PDXK: variants seen among roughly 807,000 people sequenced by gnomAD.
PDXK encodes the protein epididymis secretory sperm binding protein Li 1a.
In PDXK, 15 loss-of-function variants were observed where a neutral mutation model predicts 43.2. That is an observed-to-expected ratio of 0.35 (90% CI 0.23 to 0.53). The LOEUF is 0.53. Ranked by LOEUF, PDXK falls within the 20% of genes least tolerant of loss-of-function variation. The probability of loss-of-function intolerance (pLI) is 0.92; values close to 1 mark genes in which losing one functional copy is unlikely to be tolerated. For synonymous variants in PDXK, 172 were observed against 165.4 expected (o/e 1.04, Z -0.31); for missense variants, 343 against 417.0 (o/e 0.82, Z 1.54).
chr21:43,726,199 C>T (rs2083251150), intron 1 of PDXK, among the ~76,000 whole-genome samples: 1 of 151,202 alleles, frequency 6.6e-6, no homozygotes, highest in African/African-American at 2.4e-5. Context: ...ACTGAGGTTT[C>T]TGTTATTCTT....
chr21:43,730,383 C>T (rs1237022157), intron 1 of PDXK, among the ~76,000 whole-genome samples: 5 of 152,142 alleles, frequency 3.3e-5, no homozygotes, highest in Non-Finnish European at 7.4e-5. Flanking sequence ...ACCTCGGCCT[C>T]CCAAAGTGCT....
intron 7 of PDXK, among the ~76,000 whole-genome samples, chr21:43,752,123 GT>G (rs1475483032): frequency 1.3e-5 from 2 of 152,178 alleles, no homozygotes; most frequent in African/African-American, 2.4e-5. Flanking sequence ...GTGTGTGTGT[GT>G]GTGCGCGCGC....
At position 43,741,761 on chromosome 21, in the gene PDXK, C is replaced by G. The variant is rs377429587; in HGVS notation, c.237C>G (p.Tyr79Ter). 6.2e-7 allele frequency: 1 copy of G among 1,603,792 alleles called. No homozygotes were observed. Among genetic ancestry groups the G allele is most frequent in the South Asian group, 1.1e-5 (1 of 90,898 alleles). The change falls in exon 3 of 11, where the codon TAC becomes TAG. Residue 79 changes from tyrosine to a stop codon, truncating the protein, a stop_gained. Transcript: ENST00000291565. LOFTEE classifies it high-confidence loss of function. The stretch of plus-strand genomic sequence containing the variant: ...TGAACAACATGAATAAATATGACTA[C>G]GTGCTCACAGGTAGGTGCCGGAGCA... ...LRLNNMNKYD[Y>*]VLTGYTRDKS...
rs543669510 is a variant in PDXK, at chr21:43,755,098, A to C, written c.760-600A>C. Reference sequence around the variant, plus strand: ...GGAGGCCTCACTGCCAGGCCGCCCAAGGTCACATTCTGGGTTTGGCCAGCC... The same window carrying C: ...GGAGGCCTCACTGCCAGGCCGCCCACGGTCACATTCTGGGTTTGGCCAGCC... On this transcript the variant is annotated intron_variant, in intron 9 of 10. Transcript: ENST00000291565. 4.6e-5 allele frequency among the ~76,000 whole-genome samples: 7 copies of C among 152,320 alleles called. No individual in the cohort carries two copies. The South Asian group carries it at 1.4e-3, about 32-fold the overall frequency.
chr21:43,744,056 G>C (rs1006756804), intron 4 of PDXK, among the ~76,000 whole-genome samples: 5 of 152,248 alleles, frequency 3.3e-5, no homozygotes, highest in African/African-American at 1.2e-4. Context: ...AGGGGTGTCA[G>C]TGTGCTCGTA....
intron 2 of PDXK, among the ~76,000 whole-genome samples, chr21:43,740,850 G>A (rs1019648194): frequency 6.6e-6 from 1 of 151,370 alleles, no homozygotes; most frequent in African/African-American, 2.4e-5. Flanking sequence ...GGGAGGAGTT[G>A]GGGGTGGGGA....
At chr21:43,733,681 CCT>C in intron 1 of PDXK, 1 of 1,079,972 alleles carries the variant, frequency 9.3e-7, no homozygotes, top group South Asian at 2.7e-5. Context: ...AGCCTCCCAG[CCT>C]CTGTTCAGTG....
In PDXK at chr21:43,747,595, C is replaced by T. The variant is rs2083660630; in HGVS notation, c.379-1400C>T. ...TCTGGAAGGTTCCCTGTCCTGCGCC[C>T]AGCCTGCAGGACCCCAGCTTGCAGC... On this transcript the variant is annotated intron_variant, in intron 5 of 10. Transcript: ENST00000291565. 1.3e-5 allele frequency among the ~76,000 whole-genome samples: 2 copies of T among 152,240 alleles called. 1 individual carries two copies. Among genetic ancestry groups the T allele is most frequent in the South Asian group, 4.1e-4 (2 of 4,836 alleles).
intron 7 of PDXK, among the ~76,000 whole-genome samples, chr21:43,752,273 G>C (rs112877959): frequency 6.6e-6 from 1 of 152,232 alleles, no homozygotes; most frequent in African/African-American, 2.4e-5. Flanking sequence ...GGAGGCCCTC[G>C]CCAGTCACCT....
chr21:43,743,140 C>A (rs1469343743), intron 3 of PDXK, among the ~76,000 whole-genome samples: 2 of 125,714 alleles, frequency 1.6e-5, no homozygotes, highest in Non-Finnish European at 3.3e-5. Flanking sequence ...GGGGACACCT[C>A]GCCTGCACCC....
At position 43,734,023 on chromosome 21, in the gene PDXK, C is replaced by G. The variant is rs753761529; in HGVS notation, c.88-46C>G. On this transcript the variant is annotated intron_variant, in intron 1 of 10. Transcript: ENST00000291565. This position sits in a 1 kb window ranked among gnomAD's most constrained non-coding sequence, Gnocchi z 5.0. ...GCACCTGCTGGGGTTCGTGGGACCC[C>G]AGACCTGGCTCTCTTACGCCTACCT... 12 of 1,600,016 alleles carry G rather than the reference C, an allele frequency of 7.5e-6. No individual in the cohort carries two copies. Among genetic ancestry groups the G allele is most frequent in the Non-Finnish European group, 9.4e-6 (11 of 1,167,318 alleles).
In PDXK at chr21:43,734,152, A is replaced by G. The variant is rs1601795795; in HGVS notation, c.142+29A>G. On this transcript the variant is annotated intron_variant, in intron 2 of 10. Transcript: ENST00000291565. The surrounding 1 kb of genome is among the most constrained non-coding windows in gnomAD (Gnocchi z 5.0). Reference sequence around the variant, plus strand: ...AGGCGTTGGCTCCAGCAGCTGGCATAGAGCAGACTGTGGGTGTGAGGGACG... The same window carrying G: ...AGGCGTTGGCTCCAGCAGCTGGCATGGAGCAGACTGTGGGTGTGAGGGACG... The G allele has an allele frequency of 6.2e-7, 1 of 1,606,292 alleles. No homozygotes were observed. The highest frequency in any genetic ancestry group is 2.2e-5 in the East Asian group (1 of 44,832).
At position 43,733,028 on chromosome 21, in the gene PDXK, A is replaced by G. The variant is rs1221973676; in HGVS notation, c.88-1041A>G. Among the ~76,000 whole-genome samples the G allele has an allele frequency of 8.5e-5, 13 of 152,314 alleles. No homozygotes were observed. In the East Asian group the frequency reaches 1.7e-3, roughly 20 times the overall value. ...CTCCTAAAGTGCTGGGATTACAGGC[A>G]TGAGCCACTGCACCTGGCCGCAAAA... On this transcript the variant is annotated intron_variant, in intron 1 of 10. Coordinates refer to ENST00000291565, the MANE Select transcript of PDXK (RefSeq NM_003681.5).
intron 4 of PDXK, among the ~76,000 whole-genome samples, chr21:43,744,104 G>A (rs558241063): frequency 1.8e-4 from 28 of 152,264 alleles, no homozygotes; most frequent in African/African-American, 6.5e-4. Context: ...GGCCCAGGCA[G>A]CACTGTTGTG....
At chr21:43,741,814 C>A in intron 3 of PDXK, 43 bp downstream of exon 3, 10 of 1,342,246 alleles carry the variant, frequency 7.5e-6, no homozygotes, top group Middle Eastern at 2.0e-4. Context: ...ACGCACCCCA[C>A]TCCAGCCAGG....
chr21:43,739,793 C>T (rs2083462458), intron 2 of PDXK, among the ~76,000 whole-genome samples: 2 of 151,798 alleles, frequency 1.3e-5, no homozygotes, highest in African/African-American at 4.8e-5. Context: ...GAAAGGAGCA[C>T]ATGTGCAGCA....
chr21:43,752,252 C>G (rs1413554912), intron 7 of PDXK, among the ~76,000 whole-genome samples: 2 of 152,240 alleles, frequency 1.3e-5, no homozygotes, highest in African/African-American at 4.8e-5. Context: ...CATCTGTCCA[C>G]CCCCCAAGGG....
At chr21:43,743,418 C>A (rs534269708) in intron 3 of PDXK, among the ~76,000 whole-genome samples, 1 of 70,798 alleles carries the variant, frequency 1.4e-5, no homozygotes, top group Non-Finnish European at 2.9e-5. Context: ...CCCTCTCCCC[C>A]GCCCCCAGCA....
chr21:43,746,679 A>G (rs2083644114), intron 5 of PDXK, among the ~76,000 whole-genome samples: 1 of 151,954 alleles, frequency 6.6e-6, no homozygotes, highest in Admixed American at 6.6e-5. Context: ...TTGGCCTCCC[A>G]AAGTGCTAGG....
Sources: gnomAD v4.1 joint callset for allele counts (sites outside exome capture counted in the v4.1 genomes callset) on GRCh38, gnomAD v4.1.1 for gene constraint, Gnocchi (gnomAD v3.1) non-coding constraint, MANE v1.5 for transcripts, NCBI Gene and HGNC (gene_info 2026-07-23, HGNC 2026-07-21) for gene names.